Variants in MYBL2 observed in about 807,000 individuals in gnomAD.
MYBL2 encodes the protein myb-related protein B.
MYBL2 carries 28 observed loss-of-function variants against 79.9 expected under a neutral mutation model. The observed-to-expected ratio is 0.35, with a 90% CI of 0.26 to 0.48. The LOEUF is 0.48. Among genes scored for constraint, MYBL2 ranks in the 20% least tolerant of loss-of-function variants. The pLI is 0.99. For synonymous variants in MYBL2, 378 were observed against 361.2 expected, an observed-to-expected ratio of 1.05 and a Z score of -0.53; for missense variants, 735 against 893.9, an observed-to-expected ratio of 0.82 and a Z score of 2.27.
At chr20:43,685,808 C>T (rs1162709491) in intron 4 of MYBL2, among the ~76,000 whole-genome samples, 2 of 151,600 alleles carry the variant, frequency 1.3e-5, no homozygotes, top group Non-Finnish European at 2.9e-5. Flanking sequence ...GAGGCCAAGT[C>T]GGGCGGATCA....
At chr20:43,672,826 T>C (rs1429462975) in intron 1 of MYBL2, among the ~76,000 whole-genome samples, 1 of 152,234 alleles carries the variant, frequency 6.6e-6, no homozygotes, top group Non-Finnish European at 1.5e-5. Flanking sequence ...TCTTAAAATC[T>C]TGATGCCTGT....
intron 4 of MYBL2, 131 bp downstream of exon 4, chr20:43,683,017 G>T: frequency 1.2e-6 from 1 of 816,356 alleles, no homozygotes; most frequent in Non-Finnish European, 2.1e-6. Context: ...CTACCAGCCA[G>T]TCTGGACACT....
intron 9 of MYBL2, among the ~76,000 whole-genome samples, chr20:43,706,719 G>GTGTTTGTTTTTTT (rs1987791193): frequency 4.2e-5 from 3 of 70,780 alleles, no homozygotes; most frequent in African/African-American, 1.8e-4. Context: ...AAAAAAAAAA[G>GTGTTTGTTTTTTT]TTTTTTTTTT....
chr20:43,682,383 C>T (rs1987165180), intron 3 of MYBL2, among the ~76,000 whole-genome samples: 2 of 152,202 alleles, frequency 1.3e-5, no homozygotes, highest in South Asian at 4.1e-4. Flanking sequence ...GTCTTACTGC[C>T]TGGGCTGCTC....
intron 8 of MYBL2, among the ~76,000 whole-genome samples, chr20:43,704,142 C>T (rs285169): frequency 0.93 from 141,656 of 152,052 alleles, 66,140 homozygotes; most frequent in African/African-American, 0.97. Flanking sequence ...GGCTCCTGAG[C>T]AGCTGAGATT....
At position 43,710,099 on chromosome 20, in the gene MYBL2, G is replaced by A. The variant is rs368604031; in HGVS notation, c.1605+37G>A. On this transcript the variant is annotated intron_variant, in intron 10 of 13. Transcript: ENST00000217026. The stretch of plus-strand genomic sequence containing the variant: ...GGTCGCTGCCGTGGATCTCTGCACA[G>A]TGGGATCCCTTCGGTTCATCCAACC... 6 of 1,506,050 alleles carry A rather than the reference G, an allele frequency of 4.0e-6. No individual in the cohort carries two copies. In the African/African-American group the frequency reaches 5.5e-5, roughly 14 times the overall value. 93.3% of individuals were successfully genotyped at this position (1,506,050 alleles called of 1,614,324 possible). A position where few individuals can be genotyped will look rare whatever the true frequency, so the allele number is the denominator to read the frequency against.
chr20:43,671,452 G>A (rs538607731), intron 1 of MYBL2, among the ~76,000 whole-genome samples: 5 of 148,760 alleles, frequency 3.4e-5, no homozygotes, highest in South Asian at 2.1e-4. Context: ...CACCGCGCCC[G>A]GCTGATTTCC....
chr20:43,680,994 A>G (rs1195652061), intron 2 of MYBL2, among the ~76,000 whole-genome samples: 1 of 151,944 alleles, frequency 6.6e-6, no homozygotes, highest in Admixed American at 6.6e-5. Flanking sequence ...TTTTGTCCCT[A>G]TAGCTTAGTT....
At chr20:43,705,626 A>G (rs1385281176) in intron 9 of MYBL2, among the ~76,000 whole-genome samples, 1 of 149,736 alleles carries the variant, frequency 6.7e-6, no homozygotes, top group Non-Finnish European at 1.5e-5. Flanking sequence ...CCTCCTGAGT[A>G]GCTGGGACTC....
At chr20:43,695,901 T>C (rs1309280766) in intron 6 of MYBL2, among the ~76,000 whole-genome samples, 1 of 152,052 alleles carries the variant, frequency 6.6e-6, no homozygotes, top group Admixed American at 6.6e-5. Context: ...TCCCAGCTAC[T>C]CGGGAGGCTG....
chr20:43,692,455 T>A, intron 6 of MYBL2, 136 bp downstream of exon 6: 1 of 1,076,714 alleles, frequency 9.3e-7, no homozygotes, highest in Non-Finnish European at 1.3e-6. Context: ...TCTGGGGCCT[T>A]GTGAGACTTC....
chr20:43,698,061 CTTT>C (rs11475916), intron 6 of MYBL2, among the ~76,000 whole-genome samples: 3,579 of 112,414 alleles, frequency 0.032, 54 homozygotes, highest in Middle Eastern at 0.046. Flanking sequence ...GCTTGGTTGT[CTTT>C]TTTTTTTTTT....
intron 6 of MYBL2, among the ~76,000 whole-genome samples, chr20:43,696,406 A>G (rs1054182893): frequency 1.3e-5 from 2 of 151,816 alleles, no homozygotes; most frequent in Non-Finnish European, 2.9e-5. Flanking sequence ...ATGCCTGGCT[A>G]ATTGGGGTTT....
intron 2 of MYBL2, among the ~76,000 whole-genome samples, chr20:43,681,001 A>G (rs1221940243): frequency 6.6e-6 from 1 of 152,008 alleles, no homozygotes; most frequent in Non-Finnish European, 1.5e-5. Context: ...CCTATAGCTT[A>G]GTTTACATTT....
intron 9 of MYBL2, among the ~76,000 whole-genome samples, chr20:43,707,183 T>A (rs1465787162): frequency 2.8e-5 from 3 of 105,958 alleles, no homozygotes; most frequent in Non-Finnish European, 4.5e-5. Flanking sequence ...TCTTTCTAGT[T>A]TTTTTTTTTT....
chr20:43,685,384 T>C (rs1209113754), intron 4 of MYBL2, among the ~76,000 whole-genome samples: 1 of 151,614 alleles, frequency 6.6e-6, no homozygotes, highest in Non-Finnish European at 1.5e-5. Context: ...TTTTGCCATG[T>C]TGGTCAGGCT....
chr20:43,680,897 G>A (rs1987126831), intron 2 of MYBL2, among the ~76,000 whole-genome samples: 1 of 152,128 alleles, frequency 6.6e-6, no homozygotes, highest in Admixed American at 6.5e-5. Context: ...GCACAGCCGG[G>A]CTATAGGACA....
In MYBL2 at chr20:43,711,477, C is replaced by T; in HGVS notation, c.1606-11C>T. 6.2e-7 allele frequency: 1 copy of T among 1,606,350 alleles called. No individual in the cohort carries two copies. The highest frequency in any genetic ancestry group is 8.5e-7 in the Non-Finnish European group (1 of 1,175,284). On this transcript the variant is annotated splice_polypyrimidine_tract_variant and intron_variant, in intron 10 of 13. Transcript: ENST00000217026. ...GGTGCCTCACGTGGGCTGCCCCGTG[C>T]CTACCCACAGCCACAGACCCCGCAC...
At chr20:43,692,054 T>A (rs1394162388) in intron 5 of MYBL2, 103 bp from the exon 6 acceptor site, 2 of 1,068,392 alleles carry the variant, frequency 1.9e-6, no homozygotes, top group Non-Finnish European at 2.8e-6. Context: ...AGTGGAAGAT[T>A]CATTTACAGG....
Sources: gnomAD v4.1 joint callset for allele counts (sites outside exome capture counted in the v4.1 genomes callset) on GRCh38, gnomAD v4.1.1 for gene constraint, MANE v1.5 for transcripts, NCBI Gene and HGNC (gene_info 2026-07-23, HGNC 2026-07-21) for gene names.